The following MTAP variants were observed in gnomAD, a reference collection of about 807,000 sequenced individuals.
MTAP encodes the protein methylthioadenosine phosphorylase, also known as S-methyl-5'-thioadenosine phosphorylase.
A neutral mutation model predicts 33.6 loss-of-function variants in MTAP; 33 were observed. The observed-to-expected ratio is 0.98, with a 90% CI of 0.74 to 1.31. MTAP has a LOEUF of 1.31. MTAP is among the 40% of genes most tolerant of loss of function. MTAP has a pLI of 0.00. For missense variants in MTAP, 367 were observed against 360.0 expected (o/e 1.02, Z -0.16); for synonymous variants, 148 against 125.7 (o/e 1.18, Z -1.19).
At position 21,859,430 on chromosome 9, in the gene MTAP, G is replaced by C; in HGVS notation, c.813+5G>C. The C allele has an allele frequency of 1.2e-6, 2 of 1,607,058 alleles. No individual in the cohort carries two copies. Among genetic ancestry groups the C allele is most frequent in the African/African-American group, 1.3e-5 (1 of 74,478 alleles). On this transcript the variant is annotated splice_donor_5th_base_variant and intron_variant, in intron 7 of 7. Transcript: ENST00000644715. The stretch of plus-strand genomic sequence containing the variant: ...GAAACCCTCCATAACCTGAAGGTAA[G>C]TGTCAGCCATGGACAATCAGGCATG...
At chr9:21,806,569 T>C (rs1746032751) in intron 1 of MTAP, among the ~76,000 whole-genome samples, 1 of 151,892 alleles carries the variant, frequency 6.6e-6, no homozygotes, top group African/African-American at 2.4e-5. Context: ...GTGAGAGTAA[T>C]TCAAGCAATC....
chr9:21,926,503 T>C (rs1163458684), intron 1 of MTAP, among the ~76,000 whole-genome samples: 1 of 152,198 alleles, frequency 6.6e-6, no homozygotes, highest in African/African-American at 2.4e-5. Context: ...TCAAAGATGC[T>C]TTCTTTTGTG....
chr9:21,921,471 G>A (rs1454246656), intron 1 of MTAP, among the ~76,000 whole-genome samples: 1 of 152,016 alleles, frequency 6.6e-6, no homozygotes, highest in Admixed American at 6.5e-5. Context: ...TCCCTGAGGT[G>A]CATCATTAGG....
chr9:21,913,515 A>G lies in MTAP; in HGVS notation c.148-17493A>G, dbSNP rs558245152. Among the ~76,000 whole-genome samples the G allele has an allele frequency of 4.0e-5, 5 of 125,856 alleles. No homozygotes were observed. The South Asian group carries it at 1.3e-3, about 31-fold the overall frequency. 82.6% of individuals were successfully genotyped at this position (125,856 alleles called of 152,430 possible). On this transcript the variant is annotated intron_variant, in intron 1 of 1. Transcript: ENST00000577563. Reference sequence around the variant, plus strand: ...CTGATCTTTGACAAACCTGACAAAAACAAGAAATGGGAAAGGATTCCCTAT... The same window carrying G: ...CTGATCTTTGACAAACCTGACAAAAGCAAGAAATGGGAAAGGATTCCCTAT...
At chr9:21,821,262 T>A (rs1824629303) in intron 4 of MTAP, among the ~76,000 whole-genome samples, 1 of 152,218 alleles carries the variant, frequency 6.6e-6, no homozygotes, top group African/African-American at 2.4e-5. Flanking sequence ...GCTGTGGGGT[T>A]GTCATAAATA....
chr9:21,925,546 G>T (rs1818856386), intron 1 of MTAP, among the ~76,000 whole-genome samples: 1 of 152,190 alleles, frequency 6.6e-6, no homozygotes, highest in East Asian at 1.9e-4. Flanking sequence ...GTTGCCCTCA[G>T]AATACTCTCC....
chr9:21,843,467 A>G (rs1825302448), intron 5 of MTAP, among the ~76,000 whole-genome samples: 2 of 152,218 alleles, frequency 1.3e-5, no homozygotes, highest in South Asian at 4.1e-4. Context: ...TTTCATCAGC[A>G]CATGGAACAT....
chr9:21,849,666 C>T (rs750434249), intron 5 of MTAP, among the ~76,000 whole-genome samples: 1 of 152,226 alleles, frequency 6.6e-6, no homozygotes, highest in Non-Finnish European at 1.5e-5. Flanking sequence ...GGAGGGATTG[C>T]AGAGATTAGT....
intron 1 of MTAP, among the ~76,000 whole-genome samples, chr9:21,806,172 G>A (rs1353114863): frequency 6.6e-6 from 1 of 152,086 alleles, no homozygotes; most frequent in Non-Finnish European, 1.5e-5. Context: ...TGTGGGCAGG[G>A]GAAGAGCTAA....
chr9:21,929,559 A>G, intron 1 of MTAP: 1 of 355,642 alleles, frequency 2.8e-6, no homozygotes. Context: ...TCCAAAACAC[A>G]GGATCCCCTT....
chr9:21,835,214 C>T (rs554164400), intron 4 of MTAP, among the ~76,000 whole-genome samples: 9 of 152,252 alleles, frequency 5.9e-5, no homozygotes, highest in Admixed American at 4.6e-4. Flanking sequence ...CTAATCACCT[C>T]CAAAAGGCTC....
chr9:21,835,704 T>C (rs1295899056), intron 4 of MTAP, among the ~76,000 whole-genome samples: 2 of 152,184 alleles, frequency 1.3e-5, no homozygotes, highest in African/African-American at 2.4e-5. Flanking sequence ...GGAATTTCTT[T>C]TGAGGGCATC....
chr9:21,835,429 T>C (rs1374044391), intron 4 of MTAP, among the ~76,000 whole-genome samples: 2 of 152,166 alleles, frequency 1.3e-5, no homozygotes, highest in African/African-American at 2.4e-5. Context: ...TTTCTCCATG[T>C]CACTCAGAAA....
At position 21,802,710 on chromosome 9, in the gene MTAP, C is replaced by G. The variant is rs771971098; in HGVS notation, c.-39C>G. On this transcript the variant is annotated 5_prime_UTR_variant, in exon 1 of 8. Coordinates refer to ENST00000644715, the MANE Select transcript of MTAP (RefSeq NM_002451.4). ...GTGGCTCGCTTGGTTCCCTTAGTCC[C>G]GAGCGCTCGCCCACTGCAGATTCCT... 1.9e-6 allele frequency: 3 copies of G among 1,606,834 alleles called. No individual in the cohort carries two copies. The highest frequency in any genetic ancestry group is 1.1e-5 in the South Asian group (1 of 89,726).
intron 1 of MTAP, among the ~76,000 whole-genome samples, chr9:21,879,934 G>A (rs148720735): frequency 1.5e-3 from 221 of 151,980 alleles, no homozygotes; most frequent in Admixed American, 3.3e-3. Flanking sequence ...TTTTGTAGGC[G>A]GCCTGCCCTT....
chr9:21,917,141 T>C (rs1818705269), intron 1 of MTAP, among the ~76,000 whole-genome samples: 1 of 152,222 alleles, frequency 6.6e-6, no homozygotes. Context: ...TGAGGAAGGC[T>C]TTGGGTGGAG....
rs746941231 is a variant in MTAP at position 21,818,213 on chromosome 9, A to G, written c.347+11A>G. On this transcript the variant is annotated intron_variant, in intron 4 of 7. Transcript: ENST00000644715. ...TCAGTTCATTGACAGGTAAGCAGTC[A>G]TACAAAATGCTTTAGGCTATTGTAG... 18 of 1,611,736 alleles carry G rather than the reference A, an allele frequency of 1.1e-5. No individual in the cohort carries two copies. Among genetic ancestry groups the G allele is most frequent in the South Asian group, 3.3e-5 (3 of 90,616 alleles).
chr9:21,881,341 T>C (rs1347007311), intron 1 of MTAP, among the ~76,000 whole-genome samples: 5 of 152,156 alleles, frequency 3.3e-5, no homozygotes, highest in African/African-American at 1.2e-4. Context: ...ATTTATGATA[T>C]TAAATTTAGC....
chr9:21,877,249 G>C (rs761496314), intron 1 of MTAP, among the ~76,000 whole-genome samples: 15 of 152,134 alleles, frequency 9.9e-5, no homozygotes, highest in Non-Finnish European at 2.1e-4. Flanking sequence ...TGTGGTGAAG[G>C]AGATTTTGGG....
Sources: gnomAD v4.1 joint callset for allele counts (sites outside exome capture counted in the v4.1 genomes callset) on GRCh38, gnomAD v4.1.1 for gene constraint, MANE v1.5 for transcripts, NCBI Gene and HGNC (gene_info 2026-07-23, HGNC 2026-07-21) for gene names.